Variants in NALF1 observed in about 807,000 individuals in gnomAD.
NALF1 encodes family with sequence similarity 155 member A.
A neutral mutation model predicts 48.4 loss-of-function variants in NALF1; 3 were observed. The ratio of observed to expected loss-of-function variants is 0.06; its 90% CI spans 0.03 to 0.16. NALF1 has a LOEUF of 0.16. Ranked by LOEUF, NALF1 falls within the 10% of genes least tolerant of loss-of-function variation. The pLI is 1.00. For synonymous variants in NALF1, 262 were observed against 245.7 expected, an observed-to-expected ratio of 1.07 and a Z score of -0.62; for missense variants, 526 against 571.5, an observed-to-expected ratio of 0.92 and a Z score of 0.81.
chr13:107,826,304 C>CGTGCACGT (rs1401361284), intron 1 of NALF1, among the ~76,000 whole-genome samples: 4 of 150,518 alleles, frequency 2.7e-5, no homozygotes, highest in African/African-American at 9.7e-5. Context: ...TGCATGTGCA[C>CGTGCACGT]GTGTGTGTGT....
chr13:107,432,723 G>A (rs933125190), intron 1 of NALF1, among the ~76,000 whole-genome samples: 1 of 152,032 alleles, frequency 6.6e-6, no homozygotes, highest in African/African-American at 2.4e-5. Flanking sequence ...ATTTCCCTGG[G>A]GGTCTCATGT....
chr13:107,817,289 A>G (rs1408862986), intron 1 of NALF1, among the ~76,000 whole-genome samples: 1 of 152,230 alleles, frequency 6.6e-6, no homozygotes, highest in Non-Finnish European at 1.5e-5. Flanking sequence ...TTTGCACAAA[A>G]TCACACATTT....
At chr13:107,263,854 C>T (rs1300241524) in intron 1 of NALF1, among the ~76,000 whole-genome samples, 3 of 152,126 alleles carry the variant, frequency 2.0e-5, no homozygotes, top group Non-Finnish European at 2.9e-5. Flanking sequence ...TATCCTAGGC[C>T]CTTTTCCTAG....
At chr13:107,272,686 A>G (rs1350957501) in intron 1 of NALF1, among the ~76,000 whole-genome samples, 1 of 152,182 alleles carries the variant, frequency 6.6e-6, no homozygotes, top group African/African-American at 2.4e-5. Flanking sequence ...TTGTAGGATC[A>G]TCAGAAAGTA....
chr13:107,243,082 C>T (rs1880508700), intron 1 of NALF1, among the ~76,000 whole-genome samples: 2 of 152,094 alleles, frequency 1.3e-5, no homozygotes, highest in Admixed American at 1.3e-4. Flanking sequence ...CTTTCAAGCC[C>T]TTCCTGTCCA....
chr13:107,315,219 C>A (rs1566482836), intron 1 of NALF1, among the ~76,000 whole-genome samples: 1 of 151,788 alleles, frequency 6.6e-6, no homozygotes. Context: ...GTAATACATT[C>A]TTTGTTTTCT....
At chr13:107,440,545 A>G (rs574393880) in intron 1 of NALF1, among the ~76,000 whole-genome samples, 2 of 152,308 alleles carry the variant, frequency 1.3e-5, no homozygotes, top group East Asian at 3.9e-4. Flanking sequence ...CTGAGTTTTG[A>G]GAGAAAGAGA....
intron 1 of NALF1, among the ~76,000 whole-genome samples, chr13:107,353,768 G>A (rs1320951074): frequency 1.3e-5 from 2 of 152,178 alleles, no homozygotes; most frequent in African/African-American, 2.4e-5. Flanking sequence ...TCCAAGTGTT[G>A]AGTGCTCATG....
intron 1 of NALF1, among the ~76,000 whole-genome samples, chr13:107,586,876 G>C (rs1227737197): frequency 3.3e-5 from 5 of 151,840 alleles, no homozygotes; most frequent in African/African-American, 9.7e-5. Context: ...AGGAGAAATA[G>C]TAAGTTATAA....
At chr13:107,275,928 C>CAAA (rs950297458) in intron 1 of NALF1, among the ~76,000 whole-genome samples, 2 of 152,034 alleles carry the variant, frequency 1.3e-5, no homozygotes, top group Non-Finnish European at 2.9e-5. Flanking sequence ...GTGGGCTTCT[C>CAAA]ATAGGACGTT....
intron 1 of NALF1, among the ~76,000 whole-genome samples, chr13:107,829,907 G>T (rs9559170): frequency 0.13 from 19,714 of 152,132 alleles, 1,855 homozygotes; most frequent in East Asian, 0.51. Flanking sequence ...TCCAATTCAT[G>T]CACAGTATCA....
chr13:107,287,068 A>C (rs184173907), intron 1 of NALF1, among the ~76,000 whole-genome samples: 1 of 152,330 alleles, frequency 6.6e-6, no homozygotes, highest in African/African-American at 2.4e-5. Flanking sequence ...TCACCGAAAT[A>C]AATTATTCTT....
intron 1 of NALF1, among the ~76,000 whole-genome samples, chr13:107,832,381 G>A (rs751735869): frequency 6.1e-4 from 93 of 151,728 alleles, no homozygotes; most frequent in Non-Finnish European, 9.0e-4. Context: ...TACTGAATGT[G>A]CATAAATATA....
chr13:107,348,108 A>G (rs1028097312), intron 1 of NALF1, among the ~76,000 whole-genome samples: 1 of 152,150 alleles, frequency 6.6e-6, no homozygotes, highest in African/African-American at 2.4e-5. Flanking sequence ...GCATTTCTCA[A>G]TTGTTCTGAG....
chr13:107,583,635 A>C (rs1344540917), intron 1 of NALF1, among the ~76,000 whole-genome samples: 2 of 152,166 alleles, frequency 1.3e-5, no homozygotes, highest in Non-Finnish European at 2.9e-5. Context: ...CACTGTGAGC[A>C]CATATGACTA....
chr13:107,575,843 C>T (rs751659654), intron 1 of NALF1, among the ~76,000 whole-genome samples: 1 of 151,908 alleles, frequency 6.6e-6, no homozygotes, highest in Non-Finnish European at 1.5e-5. Flanking sequence ...TTTGAGATTG[C>T]CATAGAACAC....
At chr13:107,624,815 C>T (rs924061432) in intron 1 of NALF1, among the ~76,000 whole-genome samples, 5 of 152,220 alleles carry the variant, frequency 3.3e-5, no homozygotes, top group Non-Finnish European at 5.9e-5. Flanking sequence ...GCTTATCTTC[C>T]TAATAAAGGA....
chr13:107,440,267 T>G (rs1884534479), intron 1 of NALF1, among the ~76,000 whole-genome samples: 1 of 152,152 alleles, frequency 6.6e-6, no homozygotes, highest in Non-Finnish European at 1.5e-5. Context: ...GAGGAAAGGA[T>G]TTTATGGAAG....
At chr13:107,177,567 T>C (rs571486830) in intron 2 of NALF1, among the ~76,000 whole-genome samples, 2 of 152,090 alleles carry the variant, frequency 1.3e-5, no homozygotes, top group East Asian at 3.9e-4. Context: ...TGGAACAGAA[T>C]AGAGAACCCA....
Sources: gnomAD v4.1 joint callset for allele counts (sites outside exome capture counted in the v4.1 genomes callset) on GRCh38, gnomAD v4.1.1 for gene constraint, MANE v1.5 for transcripts, NCBI Gene and HGNC (gene_info 2026-07-23, HGNC 2026-07-21) for gene names.